RELCH: variants seen among roughly 807,000 people sequenced by gnomAD.
RELCH encodes the protein RAB11 binding and LisH domain, coiled-coil and HEAT repeat containing, also known as RAB11-binding protein RELCH.
RELCH carries 41 observed loss-of-function variants against 150.3 expected under a neutral mutation model. That is an observed-to-expected ratio of 0.27 (90% CI 0.21 to 0.35). The LOEUF (loss-of-function observed/expected upper bound fraction) is 0.35, where lower values mean the gene tolerates loss of function less well. Among genes scored for constraint, RELCH ranks in the 10% least tolerant of loss-of-function variants. The pLI, the probability that RELCH is intolerant of heterozygous loss-of-function variation, is 1.00. For missense variants in RELCH, 1,092 were observed against 1,467.8 expected, an observed-to-expected ratio of 0.74 and a Z score of 4.18; for synonymous variants, 478 against 531.8, an observed-to-expected ratio of 0.90 and a Z score of 1.39.
intron 10 of RELCH, among the ~76,000 whole-genome samples, chr18:62,237,144 C>A (rs1382151809): frequency 6.6e-6 from 1 of 151,712 alleles, no homozygotes; most frequent in Non-Finnish European, 1.5e-5. Context: ...CTGTTGTAGT[C>A]AGAGAAATAT....
chr18:62,288,806 A>G (rs542146993), intron 26 of RELCH, among the ~76,000 whole-genome samples: 37 of 152,280 alleles, frequency 2.4e-4, no homozygotes, highest in Non-Finnish European at 4.4e-4. Flanking sequence ...AGGAACTGAT[A>G]TTCTGAATTA....
intron 7 of RELCH, 48 bp downstream of exon 7, chr18:62,227,737 A>C (rs1305119684): frequency 2.3e-6 from 2 of 879,682 alleles, no homozygotes; most frequent in South Asian, 2.0e-5. Context: ...GGTGTTTAAA[A>C]GTATTGGCAA....
chr18:62,237,642 T>C (rs1300213542), intron 10 of RELCH, among the ~76,000 whole-genome samples: 1 of 151,810 alleles, frequency 6.6e-6, no homozygotes, highest in Non-Finnish European at 1.5e-5. Context: ...TGTGCCAGTA[T>C]GTACTTACAT....
At chr18:62,292,095 G>A (rs1055010517) in intron 27 of RELCH, among the ~76,000 whole-genome samples, 10 of 151,246 alleles carry the variant, frequency 6.6e-5, no homozygotes, top group Non-Finnish European at 1.3e-4. Context: ...TTCCTTTTAC[G>A]ATGTTTGACT....
intron 16 of RELCH, among the ~76,000 whole-genome samples, chr18:62,263,437 A>T (rs1030012541): frequency 2.0e-5 from 3 of 151,950 alleles, no homozygotes; most frequent in Non-Finnish European, 2.9e-5. Flanking sequence ...GACTTTTAAC[A>T]GTAGCTATAA....
At chr18:62,230,201 GCCTCTAATCCCAGCTA>G (rs1447695914) in intron 8 of RELCH, among the ~76,000 whole-genome samples, 2 of 152,012 alleles carry the variant, frequency 1.3e-5, no homozygotes, top group African/African-American at 2.4e-5. Context: ...GATGGGATGT[GCCTCTAATCCCAGCTA>G]CTCAGGAGGC....
At chr18:62,245,698 T>C (rs1232314384) in intron 11 of RELCH, 3 of 151,964 alleles carry the variant, frequency 2.0e-5, no homozygotes, top group Non-Finnish European at 4.4e-5. Context: ...TTATCTAAAT[T>C]ATCTTGTATT....
chr18:62,196,471 C>T (rs1568296687), intron 1 of RELCH, among the ~76,000 whole-genome samples: 1 of 152,196 alleles, frequency 6.6e-6, no homozygotes, highest in Non-Finnish European at 1.5e-5. Context: ...CTCAAGTGAT[C>T]CACCTGCCTC....
In RELCH at chr18:62,208,132, A is replaced by G. The variant is rs112557304; in HGVS notation, c.527-3021A>G. On this transcript the variant is annotated intron_variant, in intron 1 of 28. Coordinates refer to ENST00000644646, the MANE Select transcript of RELCH (RefSeq NM_001346231.2). ...ATTGTGGTTTGATTTTCATTTCCCTAATGAATATCATTTCCCTTTTGAGCA... is the reference window on the plus strand; with the variant it reads ...ATTGTGGTTTGATTTTCATTTCCCTGATGAATATCATTTCCCTTTTGAGCA... 2.5e-3 allele frequency among the ~76,000 whole-genome samples: 382 copies of G among 152,238 alleles called. 3 individuals are homozygous for G. Among genetic ancestry groups the G allele is most frequent in the African/African-American group, 8.9e-3 (369 of 41,522 alleles).
intron 5 of RELCH, among the ~76,000 whole-genome samples, chr18:62,222,194 C>G: frequency 6.6e-6 from 1 of 151,838 alleles, no homozygotes; most frequent in Non-Finnish European, 1.5e-5. Context: ...CCTATAGATC[C>G]TTTAGCAAAA....
At chr18:62,292,164 T>C (rs2045178970) in intron 27 of RELCH, among the ~76,000 whole-genome samples, 1 of 152,188 alleles carries the variant, frequency 6.6e-6, no homozygotes, top group South Asian at 2.1e-4. Context: ...TTATTCTTCC[T>C]GATCATCCAC....
At chr18:62,271,484 A>T (rs899725369) in intron 20 of RELCH, among the ~76,000 whole-genome samples, 1 of 147,784 alleles carries the variant, frequency 6.8e-6, no homozygotes, top group South Asian at 2.1e-4. Context: ...ATTCTGGATA[A>T]TAGCCCTTTG....
intron 1 of RELCH, among the ~76,000 whole-genome samples, chr18:62,189,662 C>T (rs1251617742): frequency 6.6e-6 from 1 of 152,104 alleles, no homozygotes; most frequent in Non-Finnish European, 1.5e-5. Context: ...AATTTCTTGA[C>T]CTTTTCACCC....
At chr18:62,237,980 T>C (rs531262481) in intron 10 of RELCH, among the ~76,000 whole-genome samples, 1 of 151,956 alleles carries the variant, frequency 6.6e-6, no homozygotes, top group Middle Eastern at 3.4e-3. Context: ...AATTATAATA[T>C]TTTTTAATTC....
rs760938625 is a variant in RELCH, at chr18:62,258,026, G to T, written c.1975G>T (p.Ala659Ser). Residue 659 changes from alanine to serine, a missense_variant, in exon 14 of 29, where the codon GCT becomes TCT. Around this residue, in one of 4 missense-constraint regions of RELCH, gnomAD observed 707 missense variants for 1,025.4 expected, o/e 0.69. Transcript: ENST00000644646. ...AGATAAGGCAGATTTGGTAAGAGAA[G>T]CTGTTATCAAAAGCCTTGGTATCAT... The part of the protein sequence containing the change: ...MEDKADLVRE[A>S]VIKSLGIIMG... The T allele has an allele frequency of 1.9e-6, 3 of 1,607,724 alleles. No homozygotes were observed. In the African/African-American group the frequency reaches 4.0e-5, roughly 22 times the overall value.
chr18:62,269,033 T>A, intron 20 of RELCH, 85 bp downstream of exon 20: 1 of 570,042 alleles, frequency 1.8e-6, no homozygotes, highest in Non-Finnish European at 3.1e-6. Context: ...GTAAGTGACA[T>A]TGCTACCAAT....
chr18:62,251,447 C>T (rs1314094255), intron 11 of RELCH, among the ~76,000 whole-genome samples: 1 of 152,228 alleles, frequency 6.6e-6, no homozygotes, highest in Non-Finnish European at 1.5e-5. Context: ...GTCTCTCCAA[C>T]ATGGCAGCTT....
chr18:62,216,426 A>G (rs1477957445), intron 2 of RELCH, among the ~76,000 whole-genome samples: 3 of 152,104 alleles, frequency 2.0e-5, no homozygotes, highest in Non-Finnish European at 4.4e-5. Flanking sequence ...TCATATCTCT[A>G]TTACTGAATT....
Position 62,305,793 on chromosome 18 carries a change from T to A in RELCH, c.*259T>A. ...TCTATGTTCTTGTCTTTCAGAATAA[T>A]TTTTATATAAATATATATATAGTGA... On this transcript the variant is annotated 3_prime_UTR_variant, in exon 29 of 29. Transcript: ENST00000644646. The surrounding 1 kb of genome is among the most constrained non-coding windows in gnomAD (Gnocchi z 4.0). The A allele has an allele frequency of 5.4e-6, 1 of 186,788 alleles. No individual in the cohort carries two copies. Among genetic ancestry groups the A allele is most frequent in the Non-Finnish European group, 1.1e-5 (1 of 91,706 alleles). 11.6% of individuals were successfully genotyped at this position (186,788 alleles called of 1,614,324 possible).
Sources: gnomAD v4.1 joint callset for allele counts (sites outside exome capture counted in the v4.1 genomes callset) on GRCh38, gnomAD v4.1.1 for gene constraint, gnomAD v4.1.1 regional missense constraint, Gnocchi (gnomAD v3.1) non-coding constraint, MANE v1.5 for transcripts, NCBI Gene and HGNC (gene_info 2026-07-23, HGNC 2026-07-21) for gene names.